The following NMNAT1 variants were observed in gnomAD, a reference collection of about 807,000 sequenced individuals.
NMNAT1 encodes nicotinamide nucleotide adenylyltransferase 1, also known as nicotinamide/nicotinic acid mononucleotide adenylyltransferase 1.
NMNAT1 carries 11 observed loss-of-function variants against 16.7 expected under a neutral mutation model. That is an observed-to-expected ratio of 0.66 (90% CI 0.41 to 1.09). The LOEUF (loss-of-function observed/expected upper bound fraction) is 1.09. Among genes scored for constraint, NMNAT1 ranks in the 50% least tolerant of loss-of-function variants. The pLI, the probability that NMNAT1 is intolerant of heterozygous loss-of-function variation, is 0.00. For synonymous variants in NMNAT1, 110 were observed against 119.8 expected (o/e 0.92, Z 0.53); for missense variants, 280 against 332.3 (o/e 0.84, Z 1.22).
In NMNAT1 at chr1:9,982,583, CA is replaced by C; in HGVS notation, c.723del (p.Asp242IlefsTer44). 1 of 1,614,124 alleles carries C rather than the reference CA, an allele frequency of 6.2e-7. No individual in the cohort carries two copies. The highest frequency in any genetic ancestry group is 8.5e-7 in the Non-Finnish European group (1 of 1,180,042). ...RRGQSIRYLVPDLVQEYIEKH... is the reference protein window; with the variant it reads ...RRGQSIRYLVXDLVQEYIEKH... ...GGCCAGAGCATTCGCTACTTGGTAC[CA>C]GATCTTGTCCAAGAATACATTGAAA... On this transcript the variant is annotated frameshift_variant, in exon 5 of 5. Coordinates refer to ENST00000377205, the MANE Select transcript of NMNAT1 (RefSeq NM_022787.4). LOFTEE classifies it low-confidence loss of function (END_TRUNC).
Position 9,982,339 on chromosome 1 carries a change from T to C in NMNAT1, c.478T>C (p.Leu160=), listed in dbSNP as rs750166994. Residue 160 remains leucine, a synonymous_variant, in exon 5 of 5, where the codon TTG becomes CTG. Transcript: ENST00000377205. ...KVKLLCGADL[L]ESFAVPNLWK... ...CAAGCTGCTGTGTGGGGCAGATTTA[T>C]TGGAGTCCTTTGCTGTTCCCAATTT... is the stretch of plus-strand genomic sequence containing the variant. 1.1e-5 allele frequency: 18 copies of C among 1,614,020 alleles called. No individual in the cohort carries two copies. The highest frequency in any genetic ancestry group is 1.7e-6 in the Non-Finnish European group (2 of 1,180,002).
intron 1 of NMNAT1, among the ~76,000 whole-genome samples, chr1:9,956,071 C>T (rs147777062): frequency 9.9e-5 from 15 of 152,148 alleles, no homozygotes; most frequent in Admixed American, 9.8e-4. Flanking sequence ...GGTTCCTTTA[C>T]CATGACTGTA....
intron 1 of NMNAT1, chr1:9,950,437 A>T (rs893047993): frequency 1.8e-4 from 28 of 152,156 alleles, no homozygotes; most frequent in African/African-American, 6.3e-4. Flanking sequence ...GCTTCCTGTT[A>T]TTGGCCCTGC....
chr1:9,951,205 G>GT (rs993438357), intron 1 of NMNAT1: 7 of 152,154 alleles, frequency 4.6e-5, no homozygotes, highest in Admixed American at 3.3e-4. Flanking sequence ...ACAAGGATTG[G>GT]TTACTTGGGA....
At chr1:9,982,190 C>T (rs1487718698) in intron 4 of NMNAT1, 111 bp from the exon 5 acceptor site, 15 of 1,373,854 alleles carry the variant, frequency 1.1e-5, no homozygotes, top group East Asian at 4.6e-5. Context: ...AAAGCACATA[C>T]GTATCTTCAT....
intron 3 of NMNAT1, among the ~76,000 whole-genome samples, chr1:9,976,025 G>A (rs960688601): frequency 6.6e-6 from 1 of 152,064 alleles, no homozygotes; most frequent in African/African-American, 2.4e-5. Context: ...GGTGGCTCAC[G>A]CCTGTAATGC....
At position 9,982,937 on chromosome 1, in the gene NMNAT1, C is replaced by A. The variant is rs1367379267; in HGVS notation, c.*236C>A. On this transcript the variant is annotated 3_prime_UTR_variant, in exon 5 of 5. Coordinates refer to ENST00000377205, the MANE Select transcript of NMNAT1 (RefSeq NM_022787.4). Reference sequence around the variant, plus strand: ...CCTGGCCAATATGGTGAAACCCCATCTCTACTAAAAATACAAAAATTAGCT... The same window carrying A: ...CCTGGCCAATATGGTGAAACCCCATATCTACTAAAAATACAAAAATTAGCT... 2 of 360,488 alleles carry A rather than the reference C, an allele frequency of 5.5e-6. No individual in the cohort carries two copies. Among genetic ancestry groups the A allele is most frequent in the Non-Finnish European group, 1.0e-5 (2 of 195,292 alleles). The allele number at this position is 360,488 out of a possible 1,614,324, so 22.3% of individuals were successfully genotyped here.
chr1:9,957,938 G>C (rs1641304492), intron 1 of NMNAT1, among the ~76,000 whole-genome samples: 1 of 152,188 alleles, frequency 6.6e-6, no homozygotes. Context: ...GCTAACGCTA[G>C]ACCGTTGGGA....
At position 9,980,463 on chromosome 1, in the gene NMNAT1, A is replaced by G. The variant is rs1312847611; in HGVS notation, c.300-568A>G. On this transcript the variant is annotated intron_variant, in intron 3 of 4. Coordinates refer to ENST00000377205, the MANE Select transcript of NMNAT1 (RefSeq NM_022787.4). ...ATGAAACCCCGTCACTACTAAAAAT[A>G]CAAAAAAAAATTGGCTGAGCGTGGT... Among the ~76,000 whole-genome samples the G allele has an allele frequency of 3.4e-4, 3 of 8,802 alleles. No individual in the cohort carries two copies. The Non-Finnish European group carries it at 0.03, about 88-fold the overall frequency. 5.8% of individuals were successfully genotyped at this position (8,802 alleles called of 152,430 possible). A position where few individuals can be genotyped will look rare whatever the true frequency, so the allele number is the denominator to read the frequency against.
chr1:9,947,745 A>C (rs1194223965), intron 1 of NMNAT1: 1 of 152,186 alleles, frequency 6.6e-6, no homozygotes, highest in Non-Finnish European at 1.5e-5. Context: ...TTCCAAATAC[A>C]CCCAGAATTG....
intron 1 of NMNAT1, among the ~76,000 whole-genome samples, chr1:9,948,878 C>A (rs1225705165): frequency 6.6e-6 from 1 of 150,860 alleles, no homozygotes; most frequent in East Asian, 2.0e-4. Flanking sequence ...GAACTCCTGA[C>A]CTCAGGTGAT....
chr1:9,969,049 C>G (rs1256397950), intron 1 of NMNAT1, among the ~76,000 whole-genome samples: 4 of 151,998 alleles, frequency 2.6e-5, no homozygotes, highest in Admixed American at 6.6e-5. Flanking sequence ...AGCCAGGCAG[C>G]CTAATATCAG....
chr1:9,982,078 G>A (rs1641960702), intron 4 of NMNAT1, among the ~76,000 whole-genome samples: 1 of 152,044 alleles, frequency 6.6e-6, no homozygotes, highest in South Asian at 2.1e-4. Flanking sequence ...GGTCAGGCTG[G>A]TCTCAAACTC....
chr1:9,959,975 C>T (rs1215210439), intron 1 of NMNAT1, among the ~76,000 whole-genome samples: 1 of 152,144 alleles, frequency 6.6e-6, no homozygotes, highest in Admixed American at 6.6e-5. Context: ...AGGAATAGCA[C>T]CCTTTTAGAG....
At chr1:9,986,435 C>T (rs1262923621), downstream of NMNAT1, among the ~76,000 whole-genome samples, 2 of 152,286 alleles carry the variant, frequency 1.3e-5, no homozygotes, top group South Asian at 4.1e-4. Context: ...TCAGCTAGCG[C>T]CGGCGTGGTG....
downstream of NMNAT1, among the ~76,000 whole-genome samples, chr1:9,986,401 A>G (rs1307696263): frequency 1.3e-5 from 2 of 152,202 alleles, no homozygotes; most frequent in Admixed American, 6.5e-5. Context: ...GCTAGAGTCC[A>G]ATTTGTACAT....
chr1:9,995,471 TC>T, the NMNAT1 span, among the ~76,000 whole-genome samples: 4 of 151,764 alleles, frequency 2.6e-5, no homozygotes, highest in African/African-American at 9.7e-5. Flanking sequence ...GGTGGGTGGA[TC>T]TTTTAAGGTT....
intron 1 of NMNAT1, among the ~76,000 whole-genome samples, chr1:9,956,170 CTT>C (rs113840450): frequency 1.2e-4 from 16 of 133,930 alleles, no homozygotes; most frequent in Non-Finnish European, 1.1e-4. Context: ...TGTTTCTTTT[CTT>C]TTTTTTTTTT....
intron 1 of NMNAT1, chr1:9,949,500 C>T (rs1334174413): frequency 6.7e-6 from 1 of 150,116 alleles, no homozygotes; most frequent in Non-Finnish European, 1.5e-5. Context: ...ACCTCCACCT[C>T]CTGGGTTCAA....
Sources: allele counts gnomAD v4.1 joint callset (sites outside exome capture counted in the v4.1 genomes callset), GRCh38; gene constraint gnomAD v4.1.1; transcripts MANE v1.5; gene names NCBI Gene and HGNC (gene_info 2026-07-23, HGNC 2026-07-21).